Variants in AFAP1 observed in about 807,000 individuals in gnomAD.
AFAP1 encodes the protein actin filament associated protein 1, also known as actin filament-associated protein 1.
In AFAP1, 75 loss-of-function variants were observed where a neutral mutation model predicts 93.9. That is an observed-to-expected ratio of 0.80 (90% CI 0.66 to 0.97). The LOEUF (loss-of-function observed/expected upper bound fraction) is 0.97, where lower values mean the gene tolerates loss of function less well. Among genes scored for constraint, AFAP1 ranks in the 50% least tolerant of loss-of-function variants. The pLI is 0.00. For missense variants in AFAP1, 1,201 were observed against 1,050.8 expected (o/e 1.14, Z -1.98); for synonymous variants, 517 against 430.7 (o/e 1.20, Z -2.48).
In AFAP1 at chr4:7,786,271, CT is replaced by C; in HGVS notation, c.1452del (p.Gly486AlafsTer129). ...NRRVISANPY[L>X]GGTSNGYAHP... ...TGGGCATAGCCGTTGGAGGTGCCCC[CT>C]AGATATGGGTTAGCAGATATAACAC... is the stretch of plus-strand genomic sequence containing the variant. On this transcript the variant is annotated frameshift_variant, in exon 12 of 18. Transcript: ENST00000420658. LOFTEE classifies it high-confidence loss of function. 6.2e-7 allele frequency: 1 copy of C among 1,614,162 alleles called. No homozygotes were observed. The highest frequency in any genetic ancestry group is 8.5e-7 in the Non-Finnish European group (1 of 1,180,022).
Position 7,777,849 on chromosome 4 carries a change from G to C in AFAP1, c.1897+913C>G, listed in dbSNP as rs532898639. ...CTTGTCTGCATGTGTGGGTCCGCTG[G>C]ACCACTTTGGTGTATCTTTGAGCCC... On this transcript the variant is annotated intron_variant, in intron 14 of 17. Coordinates refer to ENST00000420658, the MANE Select transcript of AFAP1 (RefSeq NM_001134647.2). 3.9e-5 allele frequency: 6 copies of C among 152,292 alleles called. No individual in the cohort carries two copies. In the East Asian group the frequency reaches 1.2e-3, roughly 29 times the overall value. The allele number at this position is 152,292 out of a possible 1,614,324, so 9.4% of individuals were successfully genotyped here. A position where few individuals can be genotyped will look rare whatever the true frequency, so the allele number is the denominator to read the frequency against.
chr4:7,792,261 G>C (rs779782936), intron 11 of AFAP1, among the ~76,000 whole-genome samples: 1 of 152,084 alleles, frequency 6.6e-6, no homozygotes, highest in African/African-American at 2.4e-5. Flanking sequence ...AAATCCAGTC[G>C]TTTATCTTGC....
At chr4:7,790,208 T>A (rs1260749128) in intron 11 of AFAP1, among the ~76,000 whole-genome samples, 1 of 152,196 alleles carries the variant, frequency 6.6e-6, no homozygotes, top group African/African-American at 2.4e-5. Context: ...TCACATCTCA[T>A]CTCTCTTAAG....
rs1274241363 is a variant in AFAP1 at position 7,843,253 on chromosome 4, C to T, written c.432G>A (p.Glu144=). ...CCTTGACCAGGTCCATGGAGGCCTC[C>T]TCGGAGGGCCACTGGTGCCGGGTTT... ...GKKTRHQWPS[E]EASMDLVKDA... The change falls in exon 5 of 18, where the codon GAG becomes GAA. Residue 144 remains glutamate, a synonymous_variant. Coordinates refer to ENST00000420658, the MANE Select transcript of AFAP1 (RefSeq NM_001134647.2). 6.2e-7 allele frequency: 1 copy of T among 1,614,196 alleles called. No homozygotes were observed. Among genetic ancestry groups the T allele is most frequent in the East Asian group, 2.2e-5 (1 of 44,890 alleles).
At chr4:7,874,559 T>A (rs1717369119) in intron 1 of AFAP1, among the ~76,000 whole-genome samples, 1 of 130,930 alleles carries the variant, frequency 7.6e-6, no homozygotes, top group Non-Finnish European at 1.7e-5. Context: ...TTTTTTTTTT[T>A]TTTTTAGTAG....
rs1011081258 is a variant in AFAP1 at position 7,939,521 on chromosome 4, C to G, written c.-3+135G>C. On this transcript the variant is annotated intron_variant, in intron 1 of 17. Coordinates refer to ENST00000420658, the MANE Select transcript of AFAP1 (RefSeq NM_001134647.2). The surrounding 1 kb of genome is among the most constrained non-coding windows in gnomAD (Gnocchi z 5.6). ...GGCGTCGCAGCAGGCGCGGAGCCCC[C>G]GGTACCACCCGAGGCCGAGACAAAG... 3.7e-5 allele frequency: 13 copies of G among 352,354 alleles called. No homozygotes were observed. The East Asian group carries it at 1.9e-3, about 51-fold the overall frequency. 21.8% of individuals were successfully genotyped at this position (352,354 alleles called of 1,614,324 possible). A position where few individuals can be genotyped will look rare whatever the true frequency, so the allele number is the denominator to read the frequency against.
rs1045802655 is a variant in AFAP1, at chr4:7,790,529, T to A, written c.1412+3152A>T. ...CGTGCTGATTATACTTGCAATTACA[T>A]GTGGACGTAGGATAGGTTTTTATGG... On this transcript the variant is annotated intron_variant, in intron 11 of 17. Transcript: ENST00000420658. Among the ~76,000 whole-genome samples the A allele has an allele frequency of 2.6e-5, 4 of 152,206 alleles. No homozygotes were observed. In the South Asian group the frequency reaches 6.2e-4, roughly 24 times the overall value.
intron 1 of AFAP1, among the ~76,000 whole-genome samples, chr4:7,922,989 GT>G (rs1720519513): frequency 1.3e-5 from 2 of 152,094 alleles, no homozygotes; most frequent in African/African-American, 4.8e-5. Flanking sequence ...GCAAGGACAT[GT>G]CTCAAAAATA....
Position 7,939,422 on chromosome 4 carries a change from AC to A in AFAP1, c.-3+233del. 1 of 302,272 alleles carries A rather than the reference AC, an allele frequency of 3.3e-6. No homozygotes were observed. Among genetic ancestry groups the A allele is most frequent in the Non-Finnish European group, 6.4e-6 (1 of 155,426 alleles). 18.7% of individuals were successfully genotyped at this position (302,272 alleles called of 1,614,324 possible). On this transcript the variant is annotated intron_variant, in intron 1 of 17. Coordinates refer to ENST00000420658, the MANE Select transcript of AFAP1 (RefSeq NM_001134647.2). The surrounding 1 kb of genome is among the most constrained non-coding windows in gnomAD (Gnocchi z 5.6). Reference sequence around the variant, plus strand: ...GGTCCACGCAGTCCCCTCCGGGCAGACGCGGGGAGCTGGGGAGCAGTGGGGA... The same window carrying A: ...GGTCCACGCAGTCCCCTCCGGGCAGAGCGGGGAGCTGGGGAGCAGTGGGGA...
intron 14 of AFAP1, 82 bp downstream of exon 14, chr4:7,778,680 C>T (rs1716410551): frequency 2.2e-6 from 3 of 1,364,956 alleles, no homozygotes; most frequent in East Asian, 2.3e-5. Context: ...AGCTGGCACT[C>T]ACGGGTGGGC....
chr4:7,826,350 G>A (rs1274886763), intron 6 of AFAP1, among the ~76,000 whole-genome samples: 1 of 152,176 alleles, frequency 6.6e-6, no homozygotes, highest in South Asian at 2.1e-4. Flanking sequence ...TCTCCCAGGT[G>A]CAAGGCAGTT....
intron 2 of AFAP1, 87 bp from the exon 3 acceptor site, chr4:7,868,806 G>T: frequency 8.8e-7 from 1 of 1,140,028 alleles, no homozygotes; most frequent in South Asian, 1.3e-5. Flanking sequence ...TGAACCCTGT[G>T]TTGAACACTT....
chr4:7,840,106 A>C (rs4689166), intron 5 of AFAP1, among the ~76,000 whole-genome samples: 70,809 of 151,900 alleles, frequency 0.47, 17,051 homozygotes, highest in African/African-American at 0.56. Flanking sequence ...AGGCAACCTG[A>C]AAAGTGACAG....
intron 1 of AFAP1, among the ~76,000 whole-genome samples, chr4:7,913,848 G>C (rs1719910938): frequency 6.6e-6 from 1 of 152,148 alleles, no homozygotes; most frequent in Non-Finnish European, 1.5e-5. Flanking sequence ...AAAGCTAGCT[G>C]CTTCATAGCC....
rs57050150 is a variant in AFAP1, at chr4:7,842,301, C to CAAAA, written c.546+834_546+837dup. On this transcript the variant is annotated intron_variant, in intron 5 of 17. Coordinates refer to ENST00000420658, the MANE Select transcript of AFAP1 (RefSeq NM_001134647.2). ...AATTCAAAGATGAAACCTGGATTTA[C>CAAAA]AAAAAAAAAAAAAAAAAAAAAGATA... Among the ~76,000 whole-genome samples, 32 of 94,860 alleles carry CAAAA rather than the reference C, an allele frequency of 3.4e-4. No homozygotes were observed. In the East Asian group the frequency reaches 6.5e-3, roughly 19 times the overall value. The allele number at this position is 94,860 out of a possible 152,430, so 62.2% of individuals were successfully genotyped here.
At position 7,939,583 on chromosome 4, in the gene AFAP1, C is replaced by T; in HGVS notation, c.-3+73G>A. ...GGACCCCGGACCCTGCGGAGCCCCGCTCGGAGCTTCCACGCCCGGGGCAGA... is the reference window on the plus strand; with the variant it reads ...GGACCCCGGACCCTGCGGAGCCCCGTTCGGAGCTTCCACGCCCGGGGCAGA... On this transcript the variant is annotated intron_variant, in intron 1 of 17. Transcript: ENST00000420658. The surrounding 1 kb of genome is among the most constrained non-coding windows in gnomAD (Gnocchi z 5.6). 4 of 391,916 alleles carry T rather than the reference C, an allele frequency of 1.0e-5. No homozygotes were observed. Among genetic ancestry groups the T allele is most frequent in the East Asian group, 2.7e-4 (2 of 7,526 alleles). The allele number at this position is 391,916 out of a possible 1,614,324, so 24.3% of individuals were successfully genotyped here.
At chr4:7,912,960 C>A (rs1181628944) in intron 1 of AFAP1, among the ~76,000 whole-genome samples, 4 of 152,128 alleles carry the variant, frequency 2.6e-5, no homozygotes, top group Non-Finnish European at 5.9e-5. Flanking sequence ...TATCCTCCTG[C>A]CTCAGCCTCC....
At chr4:7,847,600 C>CT (rs1376719449) in intron 4 of AFAP1, among the ~76,000 whole-genome samples, 1 of 152,218 alleles carries the variant, frequency 6.6e-6, no homozygotes, top group East Asian at 1.9e-4. Flanking sequence ...TGGTCTAGGA[C>CT]TTTGAGAAGT....
At chr4:7,772,773 C>T in intron 16 of AFAP1, 47 bp downstream of exon 16, 1 of 1,579,818 alleles carries the variant, frequency 6.3e-7, no homozygotes, top group Non-Finnish European at 8.6e-7. Context: ...GGCCCTCGGC[C>T]ACGCAAGGCC....
Sources: allele counts gnomAD v4.1 joint callset (sites outside exome capture counted in the v4.1 genomes callset), GRCh38; gene constraint gnomAD v4.1.1; non-coding constraint Gnocchi (gnomAD v3.1); transcripts MANE v1.5; gene names NCBI Gene and HGNC (gene_info 2026-07-23, HGNC 2026-07-21).